HNRNPC: variants seen among roughly 807,000 people sequenced by gnomAD.
HNRNPC encodes the protein heterogeneous nuclear ribonucleoprotein C.
HNRNPC carries 3 observed loss-of-function variants against 33.2 expected under a neutral mutation model. The observed-to-expected ratio is 0.09, with a 90% CI of 0.04 to 0.23. The LOEUF is 0.23. Among genes scored for constraint, HNRNPC ranks in the 10% least tolerant of loss-of-function variants. The pLI, the probability that HNRNPC is intolerant of heterozygous loss-of-function variation, is 1.00. For synonymous variants in HNRNPC, 121 were observed against 126.7 expected (o/e 0.96, Z 0.30); for missense variants, 143 against 366.7 (o/e 0.39, Z 4.98).
At position 21,235,219 on chromosome 14, in the gene HNRNPC, C is replaced by G. The variant is rs1594256325; in HGVS notation, c.-36-990G>C. Among the ~76,000 whole-genome samples the G allele has an allele frequency of 2.6e-5, 4 of 152,256 alleles. No homozygotes were observed. In the South Asian group the frequency reaches 6.2e-4, roughly 24 times the overall value. On this transcript the variant is annotated intron_variant, in intron 2 of 8. Transcript: ENST00000553300. ...TCCTGCCTCTTCCCACTCCAACCCCCAATCTTGAACAAGATTTAAAAACAT... is the reference window on the plus strand; with the variant it reads ...TCCTGCCTCTTCCCACTCCAACCCCGAATCTTGAACAAGATTTAAAAACAT...
At chr14:21,264,825 T>TC (rs1253549600) in intron 1 of HNRNPC, 2 of 152,176 alleles carry the variant, frequency 1.3e-5, no homozygotes, top group Non-Finnish European at 2.9e-5. Context: ...CTCAGTAGTT[T>TC]GAGACCAGCC....
chr14:21,246,566 C>CAAA (rs78962636), intron 2 of HNRNPC, among the ~76,000 whole-genome samples: 3 of 93,648 alleles, frequency 3.2e-5, no homozygotes, highest in African/African-American at 7.3e-5. Context: ...GACTCCGTCT[C>CAAA]AAAAAAAAAA....
intron 5 of HNRNPC, among the ~76,000 whole-genome samples, chr14:21,225,402 A>C (rs1277867410): frequency 6.6e-6 from 1 of 151,866 alleles, no homozygotes; most frequent in East Asian, 1.9e-4. Flanking sequence ...ACTGCACTCC[A>C]GCCTGGGCAA....
intron 5 of HNRNPC, among the ~76,000 whole-genome samples, chr14:21,218,704 A>AAAAAAAAAAAAAAAAAAAAAAC (rs1225752731): frequency 7.3e-6 from 1 of 136,794 alleles, no homozygotes; most frequent in African/African-American, 2.8e-5. Flanking sequence ...AAAAAAAAAA[A>AAAAAAAAAAAAAAAAAAAAAAC]AAAACTGAAA....
At chr14:21,239,010 C>T (rs1293050414) in intron 2 of HNRNPC, among the ~76,000 whole-genome samples, 2 of 151,648 alleles carry the variant, frequency 1.3e-5, no homozygotes, top group African/African-American at 4.9e-5. Flanking sequence ...ACCTGTAGTC[C>T]CAGCTACTCG....
chr14:21,246,550 G>C (rs28490257), intron 2 of HNRNPC, among the ~76,000 whole-genome samples: 3,240 of 147,818 alleles, frequency 0.022, 118 homozygotes, highest in African/African-American at 0.078. Context: ...CTGGGAGACA[G>C]AGTGAGACTC....
At chr14:21,237,469 T>G (rs1894826475) in intron 2 of HNRNPC, among the ~76,000 whole-genome samples, 1 of 152,238 alleles carries the variant, frequency 6.6e-6, no homozygotes, top group African/African-American at 2.4e-5. Flanking sequence ...CCACATATTC[T>G]TCTGTAACTC....
chr14:21,266,861 CAGG>C (rs1425874050), intron 1 of HNRNPC, among the ~76,000 whole-genome samples: 3 of 151,730 alleles, frequency 2.0e-5, no homozygotes, highest in Non-Finnish European at 4.4e-5. Flanking sequence ...GAGGCCAAGG[CAGG>C]AGGACTCCCT....
rs1320713985 is a variant in HNRNPC at position 21,209,659 on chromosome 14, C to T, written c.*1564G>A. 6.6e-6 allele frequency: 1 copy of T among 152,116 alleles called. No homozygotes were observed. Among genetic ancestry groups the T allele is most frequent in the Non-Finnish European group, 1.5e-5 (1 of 68,018 alleles). 9.4% of individuals were successfully genotyped at this position (152,116 alleles called of 1,614,324 possible). A position where few individuals can be genotyped will look rare whatever the true frequency, so the allele number is the denominator to read the frequency against. ...TACAGAAAATGATCTATAAAATCCT[C>T]ATAAATAAGACATGAGTTTTGCCTG... On this transcript the variant is annotated 3_prime_UTR_variant, in exon 9 of 9. Transcript: ENST00000553300.
intron 5 of HNRNPC, among the ~76,000 whole-genome samples, chr14:21,222,666 G>C (rs1892961947): frequency 6.6e-6 from 1 of 151,724 alleles, no homozygotes; most frequent in Admixed American, 6.6e-5. Context: ...GCCGAGGCAG[G>C]CAGATCATGA....
At chr14:21,249,513 G>A (rs774365096) in intron 2 of HNRNPC, among the ~76,000 whole-genome samples, 13 of 147,306 alleles carry the variant, frequency 8.8e-5, no homozygotes, top group Non-Finnish European at 1.3e-4. Context: ...CTTGAACCGG[G>A]AAGCAGAGAT....
intron 5 of HNRNPC, among the ~76,000 whole-genome samples, chr14:21,223,504 T>C (rs1448080397): frequency 2.0e-5 from 3 of 152,146 alleles, no homozygotes; most frequent in African/African-American, 7.2e-5. Context: ...ATCCCAGCAC[T>C]TTTGGAGGCC....
intron 2 of HNRNPC, among the ~76,000 whole-genome samples, chr14:21,259,386 A>G (rs1460989780): frequency 2.6e-5 from 4 of 152,158 alleles, no homozygotes; most frequent in Non-Finnish European, 5.9e-5. Flanking sequence ...ATGATCTATA[A>G]TATCTAAGAG....
At chr14:21,215,643 G>A (rs1297338202) in intron 5 of HNRNPC, among the ~76,000 whole-genome samples, 1 of 152,198 alleles carries the variant, frequency 6.6e-6, no homozygotes, top group African/African-American at 2.4e-5. Flanking sequence ...GCTCATGCCT[G>A]TAATCCCAAC....
chr14:21,237,611 G>A (rs532185602), intron 2 of HNRNPC, among the ~76,000 whole-genome samples: 5 of 152,138 alleles, frequency 3.3e-5, no homozygotes, highest in Non-Finnish European at 7.3e-5. Flanking sequence ...TTCTCTCTAG[G>A]TAGTATGGTG....
In HNRNPC at chr14:21,267,429, CA is replaced by C. The variant is rs542997510; in HGVS notation, c.-63+1868del. Reference sequence around the variant, plus strand: ...TTTCGCACAGCCATTCCATCCAAAACAAGGTCGAATGCCATGTCAAATCCTC... The same window carrying C: ...TTTCGCACAGCCATTCCATCCAAAACAGGTCGAATGCCATGTCAAATCCTC... On this transcript the variant is annotated intron_variant, in intron 1 of 8. Transcript: ENST00000553300. 4.6e-5 allele frequency among the ~76,000 whole-genome samples: 7 copies of C among 152,264 alleles called. No individual in the cohort carries two copies. In the East Asian group the frequency reaches 1.2e-3, roughly 25 times the overall value.
chr14:21,235,597 T>TAAGC, intron 2 of HNRNPC, among the ~76,000 whole-genome samples: 1 of 152,276 alleles, frequency 6.6e-6, no homozygotes, highest in South Asian at 2.1e-4. Flanking sequence ...ATTTTAACAC[T>TAAGC]AAGCAATAAA....
chr14:21,256,765 A>G (rs796720827), intron 2 of HNRNPC, among the ~76,000 whole-genome samples: 6 of 151,878 alleles, frequency 4.0e-5, no homozygotes, highest in African/African-American at 1.4e-4. Flanking sequence ...AGCGATTCTC[A>G]TGCCTGTCTC....
chr14:21,253,461 CAAAAAAAAAAA>C (rs71112561), intron 2 of HNRNPC, among the ~76,000 whole-genome samples: 1,481 of 77,324 alleles, frequency 0.019, 21 homozygotes, highest in Middle Eastern at 0.069. Flanking sequence ...GACTCCATCT[CAAAAAAAAAAA>C]AAAAAAAAAA....
Sources: gnomAD v4.1 joint callset for allele counts (sites outside exome capture counted in the v4.1 genomes callset) on GRCh38, gnomAD v4.1.1 for gene constraint, MANE v1.5 for transcripts, NCBI Gene and HGNC (gene_info 2026-07-23, HGNC 2026-07-21) for gene names.